The following POTEF variants were observed in gnomAD, a reference collection of about 807,000 sequenced individuals.
POTEF encodes the protein ANKRD26-like family C member 1B.
In POTEF, 20 loss-of-function variants were observed where a neutral mutation model predicts 83.2. That is an observed-to-expected ratio of 0.24 (90% CI 0.17 to 0.35). The LOEUF is 0.35. POTEF is among the 10% of genes least tolerant of loss of function. The pLI, the probability that POTEF is intolerant of heterozygous loss-of-function variation, is 1.00. For synonymous variants in POTEF, 196 were observed against 446.4 expected (o/e 0.44, Z 7.07); for missense variants, 550 against 1,203.2 (o/e 0.46, Z 8.03).
At position 130,075,508 on chromosome 2, in the gene POTEF, A is replaced by G. The variant is rs200088046; in HGVS notation, c.1964T>C (p.Ile655Thr). The G allele has an allele frequency of 3.0e-4, 484 of 1,611,036 alleles. 10 individuals are homozygous for G. The African/African-American group carries it at 5.5e-3, about 18-fold the overall frequency. The change falls in exon 17 of 17, where the codon ATT becomes ACT. Residue 655 changes from isoleucine (I) to threonine (T), a missense_variant. Physicochemically the swap from Ile to Thr is moderately conservative, Grantham distance 89 (BLOSUM62 -1). Transcript: ENST00000409914. ...GTCTAGCTCCAGTCTTAGCATGGCA[A>G]TTTCTTCCCGCAACGTACTATTTTC... Reference protein sequence around the residue: ...LHENSTLREEIAMLRLELDTM... With the variant: ...LHENSTLREETAMLRLELDTM...
rs544663684 is a variant in POTEF, at chr2:130,117,036, G to T, written c.522-1708C>A. 6.7e-5 allele frequency among the ~76,000 whole-genome samples: 10 copies of T among 149,830 alleles called. No individual in the cohort carries two copies. In the East Asian group the frequency reaches 1.8e-3, roughly 26 times the overall value. On this transcript the variant is annotated intron_variant, in intron 3 of 16. Transcript: ENST00000409914. ...GATGACTAAATGGATTGAAAGAATG[G>T]ATGAACACAGCTTGGGAGTTCAATA...
intron 9 of POTEF, 32 bp from the exon 10 acceptor site, chr2:130,100,752 T>G: frequency 1.2e-6 from 2 of 1,606,898 alleles, no homozygotes; most frequent in African/African-American, 2.7e-5. Flanking sequence ...GTTAATTTGC[T>G]TGTTGTGTTT....
intron 1 of POTEF, among the ~76,000 whole-genome samples, chr2:130,128,353 T>C (rs1237490992): frequency 1.3e-5 from 2 of 151,942 alleles, no homozygotes; most frequent in Admixed American, 6.5e-5. Context: ...CTCTGGAGTC[T>C]GGAAAAGAGA....
chr2:130,075,448 T>G lies in POTEF; in HGVS notation c.2024A>C (p.Lys675Thr), dbSNP rs1468399002. The change falls in exon 17 of 17, where the codon AAA becomes ACA. Residue 675 changes from lysine (K) to threonine (T), a missense_variant. Coordinates refer to ENST00000409914, the MANE Select transcript of POTEF (RefSeq NM_001099771.2). ...MKHQSQLREK[K>T]YLEDIESVKK... The stretch of plus-strand genomic sequence containing the variant: ...CACACTTTCAATATCCTCCAAATAT[T>G]TCTTTTCTCTTAGCTGGCTCTGATG... 1 of 1,611,370 alleles carries G rather than the reference T, an allele frequency of 6.2e-7. No homozygotes were observed. Among genetic ancestry groups the G allele is most frequent in the East Asian group, 2.2e-5 (1 of 44,872 alleles).
At position 130,127,865 on chromosome 2, in the gene POTEF, C is replaced by G. The variant is rs574267266; in HGVS notation, c.-249-1G>C. 5 of 148,794 alleles carry G rather than the reference C, an allele frequency of 3.4e-5. No individual in the cohort carries two copies. Among genetic ancestry groups the G allele is most frequent in the Non-Finnish European group, 7.4e-5 (5 of 67,466 alleles). The allele number at this position is 148,794 out of a possible 1,614,324, so 9.2% of individuals were successfully genotyped here. On this transcript the variant is annotated splice_acceptor_variant, in intron 1 of 16. Coordinates refer to ENST00000409914, the MANE Select transcript of POTEF (RefSeq NM_001099771.2). LOFTEE classifies it low-confidence loss of function (5UTR_SPLICE). Reference sequence around the variant, plus strand: ...GCTAGACGGGCAAAGCCAGAAAAGCCTAGAATGGGATGCAGGGAGTGGTAA... The same window carrying G: ...GCTAGACGGGCAAAGCCAGAAAAGCGTAGAATGGGATGCAGGGAGTGGTAA...
At chr2:130,108,347 C>G (rs551464882) in intron 7 of POTEF, among the ~76,000 whole-genome samples, 272 of 152,012 alleles carry the variant, frequency 1.8e-3, no homozygotes, top group African/African-American at 5.3e-3. Context: ...TAGAAAGTGT[C>G]CCAACTCTGC....
chr2:130,116,933 A>C (rs929258144), intron 3 of POTEF, among the ~76,000 whole-genome samples: 1 of 105,902 alleles, frequency 9.4e-6, no homozygotes, highest in Non-Finnish European at 1.9e-5. Context: ...GCAGATAAAC[A>C]TGAAGTTTTC....
intron 13 of POTEF, 36 bp from the exon 14 acceptor site, chr2:130,086,423 TG>T: frequency 6.3e-7 from 1 of 1,595,894 alleles, no homozygotes; most frequent in East Asian, 2.2e-5. Flanking sequence ...ATTTGCTTGT[TG>T]TATTTCTGTG....
At chr2:130,112,930 A>G (rs1684750147) in intron 5 of POTEF, among the ~76,000 whole-genome samples, 1 of 151,996 alleles carries the variant, frequency 6.6e-6, no homozygotes. Context: ...AAATCCTGAG[A>G]GGGCCATCCT....
At chr2:130,126,303 CAAAAA>C (rs754556482) in intron 2 of POTEF, among the ~76,000 whole-genome samples, 1 of 122,706 alleles carries the variant, frequency 8.1e-6, no homozygotes, top group Admixed American at 8.4e-5. Context: ...AACTCCATCT[CAAAAA>C]AAAAAAAAAA....
intron 1 of POTEF, among the ~76,000 whole-genome samples, chr2:130,128,420 A>T (rs1382703293): frequency 1.3e-5 from 2 of 151,722 alleles, no homozygotes; most frequent in East Asian, 3.9e-4. Flanking sequence ...CCACCTCTGC[A>T]GCCGACCAAC....
At chr2:130,102,913 C>T (rs950078889) in intron 8 of POTEF, among the ~76,000 whole-genome samples, 4 of 151,410 alleles carry the variant, frequency 2.6e-5, no homozygotes, top group Admixed American at 6.6e-5. Context: ...TGAGCTGTTG[C>T]GAACCTAAAT....
chr2:130,118,323 C>A (rs1203814250), intron 3 of POTEF, among the ~76,000 whole-genome samples: 2 of 152,020 alleles, frequency 1.3e-5, no homozygotes, highest in African/African-American at 2.4e-5. Context: ...GGAACGCTAT[C>A]TTTTCCTATG....
intron 7 of POTEF, 146 bp from the exon 8 acceptor site, chr2:130,108,225 C>G (rs1684599822): frequency 7.5e-7 from 1 of 1,329,434 alleles, no homozygotes; most frequent in Non-Finnish European, 1.0e-6. Context: ...TGAGTACATT[C>G]TACAAACTTC....
intron 12 of POTEF, among the ~76,000 whole-genome samples, chr2:130,091,083 A>G (rs1484283120): frequency 7.5e-5 from 4 of 53,010 alleles, no homozygotes; most frequent in African/African-American, 2.8e-4. Context: ...TAGATATGAC[A>G]GAGACCACAT....
chr2:130,120,423 G>A lies in POTEF; in HGVS notation c.93C>T (p.Cys31=), dbSNP rs1684969647. The part of the protein sequence containing the change: ...RSKMGKWCCR[C]FPCCRESGKS... ...TGCCGCTCTCCCTGCAGCAGGGGAA[G>A]CAACGGCAGCACCACTTGCCCATCT... Residue 31 remains cysteine (C), a synonymous_variant, in exon 3 of 17, where the codon TGC becomes TGT. Coordinates refer to ENST00000409914, the MANE Select transcript of POTEF (RefSeq NM_001099771.2). The A allele has an allele frequency of 6.2e-7, 1 of 1,613,356 alleles. No homozygotes were observed. Among genetic ancestry groups the A allele is most frequent in the Non-Finnish European group, 8.5e-7 (1 of 1,179,826 alleles).
At chr2:130,109,656 CATT>C in intron 7 of POTEF, 1 of 150,748 alleles carries the variant, frequency 6.6e-6, no homozygotes, top group Non-Finnish European at 1.5e-5. Context: ...CCTTCTGCCA[CATT>C]ATTTGAACCC....
chr2:130,105,486 C>T (rs1463211009), intron 8 of POTEF, among the ~76,000 whole-genome samples: 1 of 151,834 alleles, frequency 6.6e-6, no homozygotes, highest in East Asian at 1.9e-4. Flanking sequence ...AAAGAACCTT[C>T]CATCAATCCC....
At chr2:130,091,633 C>CA (rs1194314681) in intron 12 of POTEF, among the ~76,000 whole-genome samples, 2 of 141,982 alleles carry the variant, frequency 1.4e-5, no homozygotes, top group African/African-American at 5.3e-5. Flanking sequence ...TATCAATGAA[C>CA]AAAAAAACAA....
Sources: gnomAD v4.1 joint callset for allele counts (sites outside exome capture counted in the v4.1 genomes callset) on GRCh38, gnomAD v4.1.1 for gene constraint, MANE v1.5 for transcripts, NCBI Gene and HGNC (gene_info 2026-07-23, HGNC 2026-07-21) for gene names.